Variants in FMN1 observed in about 807,000 individuals in gnomAD.
FMN1 encodes formin-1.
In FMN1, 110 loss-of-function variants were observed where a neutral mutation model predicts 132.4. The observed-to-expected ratio is 0.83, with a 90% confidence interval of 0.71 to 0.97. FMN1 has a LOEUF of 0.97. Among genes scored for constraint, FMN1 ranks in the 50% least tolerant of loss-of-function variants. FMN1 has a pLI of 0.00. For synonymous variants in FMN1, 722 were observed against 651.7 expected, an observed-to-expected ratio of 1.11 and a Z score of -1.64; for missense variants, 1,792 against 1,705.3, an observed-to-expected ratio of 1.05 and a Z score of -0.90.
chr15:32,929,912 T>C (rs1017817756), intron 9 of FMN1, among the ~76,000 whole-genome samples: 31 of 151,974 alleles, frequency 2.0e-4, no homozygotes, highest in African/African-American at 7.5e-4. Flanking sequence ...TTCAATACAG[T>C]GACTTCAATT....
chr15:33,126,172 C>T (rs965922326), intron 4 of FMN1, among the ~76,000 whole-genome samples: 10 of 152,108 alleles, frequency 6.6e-5, no homozygotes, highest in African/African-American at 2.4e-4. Flanking sequence ...GAGGAGCATA[C>T]ATCCTCATTA....
Position 32,933,729 on chromosome 15 carries a change from A to G in FMN1, c.3139-7468T>C, listed in dbSNP as rs115220497. On this transcript the variant is annotated intron_variant, in intron 9 of 20. Coordinates refer to ENST00000616417, the MANE Select transcript of FMN1 (RefSeq NM_001277313.2). ...ATAGTGTCCTTCTTTTTCTTTTGTTAGAGTTTTTGACTTAAATTCTAACTA... is the reference window on the plus strand; with the variant it reads ...ATAGTGTCCTTCTTTTTCTTTTGTTGGAGTTTTTGACTTAAATTCTAACTA... 2.5e-3 allele frequency among the ~76,000 whole-genome samples: 383 copies of G among 152,050 alleles called. 1 individual carries two copies. Among genetic ancestry groups the G allele is most frequent in the African/African-American group, 8.6e-3 (357 of 41,474 alleles).
At chr15:32,874,879 T>A (rs1452486888) in intron 16 of FMN1, among the ~76,000 whole-genome samples, 1 of 152,222 alleles carries the variant, frequency 6.6e-6, no homozygotes, top group Non-Finnish European at 1.5e-5. Context: ...ATGACACTTT[T>A]TAAAGACCAT....
At chr15:33,173,784 C>T (rs181403229) in intron 3 of FMN1, among the ~76,000 whole-genome samples, 209 of 152,228 alleles carry the variant, frequency 1.4e-3, no homozygotes, top group Non-Finnish European at 1.0e-3. Flanking sequence ...CAAAAATTAG[C>T]CAGGCGTGGT....
chr15:33,158,814 C>A (rs1454454222), intron 3 of FMN1, among the ~76,000 whole-genome samples: 1 of 152,178 alleles, frequency 6.6e-6, no homozygotes, highest in Non-Finnish European at 1.5e-5. Flanking sequence ...TTAGAAAGGT[C>A]TTTCAGTATT....
chr15:33,128,565 T>C (rs1963349929), intron 4 of FMN1, among the ~76,000 whole-genome samples: 1 of 152,254 alleles, frequency 6.6e-6, no homozygotes, highest in East Asian at 1.9e-4. Flanking sequence ...CCGGAGTTTC[T>C]TGCTTCCGAT....
chr15:33,109,309 C>G (rs141883130), intron 4 of FMN1, among the ~76,000 whole-genome samples: 2,432 of 151,912 alleles, frequency 0.016, 27 homozygotes, highest in South Asian at 0.031. Flanking sequence ...GATAAATGGC[C>G]AAAGGGAAAA....
At chr15:32,801,495 A>G (rs2057477280) in intron 18 of FMN1, among the ~76,000 whole-genome samples, 1 of 152,118 alleles carries the variant, frequency 6.6e-6, no homozygotes, top group South Asian at 2.1e-4. Context: ...GGCCGGGCAC[A>G]GTGGCTCACG....
chr15:32,823,757 G>A (rs2141119815), intron 17 of FMN1, among the ~76,000 whole-genome samples: 1 of 152,290 alleles, frequency 6.6e-6, no homozygotes, highest in South Asian at 2.1e-4. Context: ...GGCACTATGT[G>A]GAAACAAAGC....
At chr15:32,841,313 C>G (rs1370860547) in intron 17 of FMN1, among the ~76,000 whole-genome samples, 1 of 152,066 alleles carries the variant, frequency 6.6e-6, no homozygotes, top group Non-Finnish European at 1.5e-5. Flanking sequence ...CTCATATATC[C>G]AAGGGAATCA....
chr15:32,831,914 T>C (rs2141164371), intron 17 of FMN1, among the ~76,000 whole-genome samples: 1 of 152,292 alleles, frequency 6.6e-6, no homozygotes, highest in Non-Finnish European at 1.5e-5. Context: ...CAGGGATTTC[T>C]GTGTACCTGC....
At chr15:33,151,751 A>G (rs1964448266) in intron 4 of FMN1, among the ~76,000 whole-genome samples, 1 of 151,784 alleles carries the variant, frequency 6.6e-6, no homozygotes, top group South Asian at 2.1e-4. Context: ...AGTCCTCAGC[A>G]TCCGACAGGA....
chr15:32,995,119 T>C lies in FMN1; in HGVS notation c.2223+12895A>G, dbSNP rs114831748. ...AGAAGCATATATATATATATGTATA[T>C]ATGCAAAACACATTTCTTAATAATA... On this transcript the variant is annotated intron_variant, in intron 7 of 20. Transcript: ENST00000616417. Among the ~76,000 whole-genome samples, 876 of 152,280 alleles carry C rather than the reference T, an allele frequency of 5.8e-3. 6 individuals carry two copies. Among genetic ancestry groups the C allele is most frequent in the African/African-American group, 0.02 (827 of 41,562 alleles).
At chr15:32,998,036 C>A (rs1033189065) in intron 7 of FMN1, among the ~76,000 whole-genome samples, 3 of 152,162 alleles carry the variant, frequency 2.0e-5, no homozygotes, top group African/African-American at 7.2e-5. Flanking sequence ...TCCAGGCAAT[C>A]AACATAAGTA....
chr15:33,176,743 C>T (rs1000396893), intron 3 of FMN1, among the ~76,000 whole-genome samples: 4 of 152,112 alleles, frequency 2.6e-5, no homozygotes, highest in African/African-American at 9.7e-5. Flanking sequence ...ATATGTTAGC[C>T]TTCACAGGAA....
intron 16 of FMN1, among the ~76,000 whole-genome samples, chr15:32,877,358 G>C (rs546778773): frequency 2.6e-4 from 40 of 151,602 alleles, no homozygotes; most frequent in African/African-American, 5.1e-4. Flanking sequence ...TCAAGAGATT[G>C]TTCAGAGTCA....
chr15:33,102,699 A>C (rs1485829959), intron 4 of FMN1, among the ~76,000 whole-genome samples: 1 of 152,126 alleles, frequency 6.6e-6, no homozygotes, highest in Non-Finnish European at 1.5e-5. Context: ...AAAGGAAATG[A>C]TGTCTTTCTG....
intron 14 of FMN1, among the ~76,000 whole-genome samples, chr15:32,899,634 C>T (rs1384278769): frequency 6.6e-6 from 1 of 152,144 alleles, no homozygotes; most frequent in Admixed American, 6.5e-5. Flanking sequence ...TAGTAGCCAA[C>T]ACTAAACTCA....
At chr15:32,864,830 C>T (rs905194489) in intron 16 of FMN1, among the ~76,000 whole-genome samples, 2 of 152,156 alleles carry the variant, frequency 1.3e-5, no homozygotes, top group East Asian at 1.9e-4. Context: ...CTTTAGTATA[C>T]TCCAAGAAGT....
Sources: gnomAD v4.1 joint callset for allele counts (sites outside exome capture counted in the v4.1 genomes callset) on GRCh38, gnomAD v4.1.1 for gene constraint, MANE v1.5 for transcripts, NCBI Gene and HGNC (gene_info 2026-07-23, HGNC 2026-07-21) for gene names.